RBFOX1: variants seen among roughly 807,000 people sequenced by gnomAD.
The protein encoded by RBFOX1 is RNA binding protein fox-1 homolog 1.
Under a neutral mutation model 57.7 loss-of-function variants are expected in RBFOX1, and 8 were observed. The ratio of observed to expected loss-of-function variants is 0.14; its 90% CI spans 0.08 to 0.25. The LOEUF is 0.25. Ranked by LOEUF, RBFOX1 falls within the 10% of genes least tolerant of loss-of-function variation. The pLI, the probability that RBFOX1 is intolerant of heterozygous loss-of-function variation, is 1.00. For missense variants in RBFOX1, 611 were observed against 548.5 expected, an observed-to-expected ratio of 1.11 and a Z score of -1.14; for synonymous variants, 326 against 222.4, an observed-to-expected ratio of 1.47 and a Z score of -4.15.
At chr16:7,056,531 C>T (rs928889548) in intron 4 of RBFOX1, among the ~76,000 whole-genome samples, 2 of 152,106 alleles carry the variant, frequency 1.3e-5, no homozygotes, top group Non-Finnish European at 2.9e-5. Flanking sequence ...CAACATTTAC[C>T]TCTCCAGCAT....
chr16:6,980,431 T>C (rs1455642563), intron 3 of RBFOX1, among the ~76,000 whole-genome samples: 1 of 152,200 alleles, frequency 6.6e-6, no homozygotes. Flanking sequence ...CACAGAAAGA[T>C]ATGTTTACAA....
chr16:6,068,943 C>A (rs866692546), intron 1 of RBFOX1, among the ~76,000 whole-genome samples: 1 of 151,960 alleles, frequency 6.6e-6, no homozygotes, highest in South Asian at 2.1e-4. Context: ...AACAGGAGGG[C>A]AAGACAGCTT....
chr16:5,245,544 A>G (rs2151066574), intron 1 of RBFOX1, among the ~76,000 whole-genome samples: 1 of 152,296 alleles, frequency 6.6e-6, no homozygotes, highest in African/African-American at 2.4e-5. Flanking sequence ...TCCCAGGTTC[A>G]AGGGATTCTC....
rs182061374 is a variant in RBFOX1, at chr16:7,264,434, G to T, written c.27+212336G>T. Among the ~76,000 whole-genome samples the T allele has an allele frequency of 7.2e-5, 11 of 152,300 alleles. No individual in the cohort carries two copies. The East Asian group carries it at 2.1e-3, about 29-fold the overall frequency. ...ATCTGGGATGGCTCACAGTAGTCCA[G>T]TGTCTTGCTCAAACTCACAAAGCTA... On this transcript the variant is annotated intron_variant, in intron 4 of 15. Transcript: ENST00000550418.
chr16:7,532,740 A>G (rs2080432661), intron 5 of RBFOX1, among the ~76,000 whole-genome samples: 1 of 152,226 alleles, frequency 6.6e-6, no homozygotes, highest in African/African-American at 2.4e-5. Flanking sequence ...GAACACAGTC[A>G]CACTAACTGG....
chr16:6,028,263 G>A (rs1377472190), intron 1 of RBFOX1, among the ~76,000 whole-genome samples: 2 of 152,122 alleles, frequency 1.3e-5, no homozygotes, highest in Non-Finnish European at 2.9e-5. Flanking sequence ...AGAGGAGGGA[G>A]GGAGTGTGTG....
At chr16:7,337,405 G>A (rs534983252) in intron 4 of RBFOX1, among the ~76,000 whole-genome samples, 355 of 152,236 alleles carry the variant, frequency 2.3e-3, no homozygotes, top group African/African-American at 7.8e-3. Flanking sequence ...ATAATAATAC[G>A]ACTTGTTTAG....
chr16:5,377,531 G>A lies in RBFOX1; in HGVS notation c.220-89685G>A, dbSNP rs150315196. ...TATGGGTGTGGGAGGGGAGGAAGAA[G>A]GACGGAGGTGAGGGAGGAGGAGGGA... On this transcript the variant is annotated intron_variant, in intron 1 of 2. Transcript: ENST00000585867. Among the ~76,000 whole-genome samples, 663 of 148,892 alleles carry A rather than the reference G, an allele frequency of 4.5e-3. 21 individuals carry two copies. Among genetic ancestry groups the A allele is most frequent in the African/African-American group, 0.015 (605 of 39,144 alleles).
intron 1 of RBFOX1, among the ~76,000 whole-genome samples, chr16:6,142,247 A>T (rs537625656): frequency 1.7e-5 from 2 of 120,880 alleles, no homozygotes; most frequent in East Asian, 2.9e-4. Context: ...TTGGAGACGG[A>T]GTCTTGCTCT....
chr16:6,206,406 G>T (rs188971366), intron 1 of RBFOX1, among the ~76,000 whole-genome samples: 148 of 152,224 alleles, frequency 9.7e-4, no homozygotes, highest in Non-Finnish European at 2.2e-4. Context: ...CTCAATCTCA[G>T]TGTGATTGCT....
At chr16:6,024,020 A>G (rs1204868737) in intron 1 of RBFOX1, among the ~76,000 whole-genome samples, 1 of 152,226 alleles carries the variant, frequency 6.6e-6, no homozygotes, top group East Asian at 1.9e-4. Flanking sequence ...GTTTTTATGA[A>G]AAATGACGCG....
At chr16:7,341,100 G>A (rs1034487727) in intron 4 of RBFOX1, among the ~76,000 whole-genome samples, 1 of 151,942 alleles carries the variant, frequency 6.6e-6, no homozygotes, top group African/African-American at 2.4e-5. Context: ...GATTTATGAT[G>A]GAGATACTCA....
chr16:6,410,118 C>A (rs2093409663), intron 2 of RBFOX1, among the ~76,000 whole-genome samples: 1 of 150,992 alleles, frequency 6.6e-6, no homozygotes, highest in South Asian at 2.1e-4. Context: ...ACAAAATTGG[C>A]AACTTTCTTT....
At chr16:7,323,446 C>T (rs1453368777) in intron 4 of RBFOX1, among the ~76,000 whole-genome samples, 1 of 152,118 alleles carries the variant, frequency 6.6e-6, no homozygotes, top group Non-Finnish European at 1.5e-5. Context: ...AAATAATTTT[C>T]TAAAAACCCA....
At chr16:5,523,493 G>A (rs1475580691) in intron 2 of RBFOX1, among the ~76,000 whole-genome samples, 1 of 152,086 alleles carries the variant, frequency 6.6e-6, no homozygotes, top group African/African-American at 2.4e-5. Flanking sequence ...GTGAGTGTCT[G>A]TGGTCCCAGC....
chr16:5,479,754 G>A (rs1488989552), intron 2 of RBFOX1, among the ~76,000 whole-genome samples: 1 of 150,138 alleles, frequency 6.7e-6, no homozygotes, highest in East Asian at 2.0e-4. Flanking sequence ...CTCCATCCCC[G>A]CCCCTCACCC....
At chr16:7,038,163 A>G (rs1021461087) in intron 3 of RBFOX1, among the ~76,000 whole-genome samples, 2 of 151,314 alleles carry the variant, frequency 1.3e-5, no homozygotes, top group African/African-American at 4.9e-5. Flanking sequence ...CTCATTCTAC[A>G]CAGAGTTTCC....
At chr16:6,622,387 A>G (rs994640169) in intron 2 of RBFOX1, among the ~76,000 whole-genome samples, 9 of 152,164 alleles carry the variant, frequency 5.9e-5, no homozygotes, top group African/African-American at 2.2e-4. Context: ...CGTAGTACTT[A>G]CCTTTTAATG....
chr16:6,819,044 C>T (rs1162681243), intron 3 of RBFOX1, among the ~76,000 whole-genome samples: 3 of 152,198 alleles, frequency 2.0e-5, no homozygotes, highest in African/African-American at 7.2e-5. Context: ...CTATCAACGG[C>T]ATTGTATAAG....
Sources: gnomAD v4.1 joint callset for allele counts (sites outside exome capture counted in the v4.1 genomes callset) on GRCh38, gnomAD v4.1.1 for gene constraint, MANE v1.5 for transcripts, NCBI Gene and HGNC (gene_info 2026-07-23, HGNC 2026-07-21) for gene names.